UTRN: variants seen among roughly 807,000 people sequenced by gnomAD.
UTRN encodes utrophin, also known as dystrophin-related protein 1.
Under a neutral mutation model 463.9 loss-of-function variants are expected in UTRN, and 283 were observed. That is an observed-to-expected ratio of 0.61 (90% CI 0.55 to 0.67). The LOEUF (loss-of-function observed/expected upper bound fraction) is 0.67, where lower values mean the gene tolerates loss of function less well. Ranked by LOEUF, UTRN falls within the 30% of genes least tolerant of loss-of-function variation. UTRN has a pLI of 0.00. For synonymous variants in UTRN, 1,442 were observed against 1,431.5 expected (o/e 1.01, Z -0.17); for missense variants, 3,922 against 4,084.3 (o/e 0.96, Z 1.08).
At chr6:144,399,505 T>A (rs1782745856) in intron 2 of UTRN, among the ~76,000 whole-genome samples, 1 of 152,204 alleles carries the variant, frequency 6.6e-6, no homozygotes, top group Non-Finnish European at 1.5e-5. Context: ...TTTAAAATCA[T>A]CCAATAAGAG....
intron 25 of UTRN, among the ~76,000 whole-genome samples, chr6:144,478,677 G>T (rs570807942): frequency 6.6e-6 from 1 of 152,312 alleles, no homozygotes; most frequent in African/African-American, 2.4e-5. Context: ...TCCAGCTCCT[G>T]TGCTGGCCTT....
chr6:144,398,219 G>A, intron 2 of UTRN: 1 of 267,532 alleles, frequency 3.7e-6, no homozygotes, highest in South Asian at 4.7e-5. Context: ...GGAAGGTACT[G>A]TGCTGTAGGT....
At chr6:144,763,268 TC>T (rs1310926537) in intron 58 of UTRN, among the ~76,000 whole-genome samples, 1 of 152,200 alleles carries the variant, frequency 6.6e-6, no homozygotes, top group Non-Finnish European at 1.5e-5. Context: ...TTTCCCTTGT[TC>T]TAACTCCCCC....
At chr6:144,805,473 T>G (rs1030109040) in intron 65 of UTRN, among the ~76,000 whole-genome samples, 1 of 152,146 alleles carries the variant, frequency 6.6e-6, no homozygotes, top group African/African-American at 2.4e-5. Flanking sequence ...AAAGAACTAG[T>G]AGAAGCATGT....
intron 2 of UTRN, among the ~76,000 whole-genome samples, chr6:144,341,510 C>T (rs1013520922): frequency 6.6e-6 from 1 of 152,184 alleles, no homozygotes; most frequent in South Asian, 2.1e-4. Flanking sequence ...CAGTACTGCA[C>T]TTTTGAGAGG....
intron 42 of UTRN, among the ~76,000 whole-genome samples, chr6:144,531,866 G>A (rs906133382): frequency 1.5e-4 from 23 of 152,024 alleles, no homozygotes; most frequent in African/African-American, 4.4e-4. Flanking sequence ...GGCCGGGCGC[G>A]GTGCCTCACA....
chr6:144,763,656 G>C (rs1037733188), intron 58 of UTRN, among the ~76,000 whole-genome samples: 1 of 152,194 alleles, frequency 6.6e-6, no homozygotes, highest in Non-Finnish European at 1.5e-5. Flanking sequence ...AATATGGTCA[G>C]AGAGGAGTAT....
chr6:144,684,550 T>C (rs1426897348), intron 52 of UTRN, among the ~76,000 whole-genome samples: 1 of 152,194 alleles, frequency 6.6e-6, no homozygotes, highest in African/African-American at 2.4e-5. Context: ...CCTGAGATAA[T>C]CAATTTCCAG....
At chr6:144,344,673 G>A (rs573637943) in intron 2 of UTRN, among the ~76,000 whole-genome samples, 1 of 152,300 alleles carries the variant, frequency 6.6e-6, no homozygotes, top group South Asian at 2.1e-4. Context: ...CTCCTTTGTG[G>A]TGTTGAGTAT....
chr6:144,584,836 G>A lies in UTRN; in HGVS notation c.7479+7548G>A, dbSNP rs559825495. Among the ~76,000 whole-genome samples, 19 of 151,948 alleles carry A rather than the reference G, an allele frequency of 1.3e-4. No homozygotes were observed. The Middle Eastern group carries it at 0.014, about 109-fold the overall frequency. On this transcript the variant is annotated intron_variant, in intron 51 of 74. Coordinates refer to ENST00000367545, the MANE Select transcript of UTRN (RefSeq NM_007124.3). ...TTTGTAAACCTAGTTATTTCAATGT[G>A]TTGTGTTTTGCTCTACTTCAGTGGA...
chr6:144,477,761 C>G (rs528177876), intron 25 of UTRN, among the ~76,000 whole-genome samples: 1 of 152,220 alleles, frequency 6.6e-6, no homozygotes, highest in East Asian at 1.9e-4. Context: ...TCTCAATGTG[C>G]TATAATCTGA....
intron 68 of UTRN, 104 bp from the exon 69 acceptor site, chr6:144,828,686 G>T: frequency 8.8e-7 from 1 of 1,136,842 alleles, no homozygotes; most frequent in Non-Finnish European, 1.3e-6. Flanking sequence ...ATCTTTCTAT[G>T]TTTTGTCAGA....
At chr6:144,638,622 G>A (rs912544302) in intron 51 of UTRN, among the ~76,000 whole-genome samples, 1 of 152,076 alleles carries the variant, frequency 6.6e-6, no homozygotes, top group Non-Finnish European at 1.5e-5. Context: ...TAGGTCTAGG[G>A]TATATCTGTT....
chr6:144,728,549 T>C (rs532804064), intron 53 of UTRN, among the ~76,000 whole-genome samples: 3 of 151,950 alleles, frequency 2.0e-5, no homozygotes, highest in Non-Finnish European at 4.4e-5. Context: ...AAATAGGAGA[T>C]GATGGAAGGT....
chr6:144,604,942 A>G (rs1804678058), intron 51 of UTRN, among the ~76,000 whole-genome samples: 1 of 147,052 alleles, frequency 6.8e-6, no homozygotes, highest in African/African-American at 2.5e-5. Flanking sequence ...TGAAAAATAA[A>G]CGACAAAAAA....
chr6:144,499,395 G>C lies in UTRN; in HGVS notation c.4732G>C (p.Gly1578Arg). Residue 1578 changes from glycine (G) to arginine (R), a missense_variant, in exon 34 of 75, where the codon GGT (glycine) becomes CGT (arginine). By Grantham distance (125) the Gly-to-Arg change is moderately radical. This residue lies in a region of UTRN where 2,349 missense variants were observed against 2,303.8 expected (regional missense o/e 1.02). Coordinates refer to ENST00000367545, the MANE Select transcript of UTRN (RefSeq NM_007124.3). ...GAAGTCCACTTCAGAAGGTCTGCTT[G>C]GTGACTTGGATACAGAAATTTCCTG... ...VQKSTSEGLL[G>R]DLDTEISWAK... The C allele has an allele frequency of 1.2e-6, 2 of 1,609,348 alleles. No individual in the cohort carries two copies. Among genetic ancestry groups the C allele is most frequent in the Non-Finnish European group, 1.7e-6 (2 of 1,176,770 alleles).
At chr6:144,505,226 T>G (rs899953017) in intron 34 of UTRN, among the ~76,000 whole-genome samples, 1 of 152,206 alleles carries the variant, frequency 6.6e-6, no homozygotes, top group Non-Finnish European at 1.5e-5. Flanking sequence ...CTGGATTCAT[T>G]GAATTTTTTG....
At chr6:144,686,646 C>G (rs757455000) in intron 52 of UTRN, among the ~76,000 whole-genome samples, 1 of 151,574 alleles carries the variant, frequency 6.6e-6, no homozygotes. Context: ...ATATAATGAC[C>G]TTCTTTGTCT....
intron 69 of UTRN, among the ~76,000 whole-genome samples, chr6:144,831,170 C>G (rs1006584404): frequency 6.6e-6 from 1 of 152,088 alleles, no homozygotes; most frequent in Admixed American, 6.6e-5. Flanking sequence ...ATGATGGCCC[C>G]CCAAAGATGT....
Sources: allele counts gnomAD v4.1 joint callset (sites outside exome capture counted in the v4.1 genomes callset), GRCh38; gene constraint gnomAD v4.1.1; regional missense constraint gnomAD v4.1.1; transcripts MANE v1.5; gene names NCBI Gene and HGNC (gene_info 2026-07-23, HGNC 2026-07-21).